BRSK1: variants seen among roughly 807,000 people sequenced by gnomAD.
BRSK1 encodes serine/threonine-protein kinase BRSK1.
In BRSK1, 17 loss-of-function variants were observed where a neutral mutation model predicts 86.2. That is an observed-to-expected ratio of 0.20 (90% CI 0.14 to 0.30). The LOEUF (loss-of-function observed/expected upper bound fraction) is 0.30. BRSK1 is among the 10% of genes least tolerant of loss of function. BRSK1 has a pLI of 1.00. For synonymous variants in BRSK1, 464 were observed against 440.1 expected, an observed-to-expected ratio of 1.05 and a Z score of -0.68; for missense variants, 719 against 1,071.9, an observed-to-expected ratio of 0.67 and a Z score of 4.60.
intron 4 of BRSK1, 54 bp from the exon 5 acceptor site, chr19:55,293,963 G>T: frequency 1.3e-6 from 2 of 1,512,152 alleles, no homozygotes; most frequent in Middle Eastern, 2.4e-4. Flanking sequence ...AGTCAGTGGG[G>T]CCTGGGCCTC....
At position 55,303,476 on chromosome 19, in the gene BRSK1, C is replaced by A. The variant is rs1174002277; in HGVS notation, c.1126+68C>A. On this transcript the variant is annotated intron_variant, in intron 11 of 18. Coordinates refer to ENST00000309383, the MANE Select transcript of BRSK1 (RefSeq NM_032430.2). This position sits in a 1 kb window ranked among gnomAD's most constrained non-coding sequence, Gnocchi z 5.1. ...ATTGGAAGAGGCTGGCCACGGGGACCCCAGATTCCCAAGGAAAGAAGGGGC... is the reference window on the plus strand; with the variant it reads ...ATTGGAAGAGGCTGGCCACGGGGACACCAGATTCCCAAGGAAAGAAGGGGC... 2 of 1,539,660 alleles carry A rather than the reference C, an allele frequency of 1.3e-6. No homozygotes were observed. Among genetic ancestry groups the A allele is most frequent in the Non-Finnish European group, 1.8e-6 (2 of 1,114,698 alleles).
Position 55,307,782 on chromosome 19 carries a change from ACACAC to A in BRSK1, c.2090-856_2090-852del, listed in dbSNP as rs1376266655. On this transcript the variant is annotated intron_variant, in intron 17 of 18. Transcript: ENST00000309383. ...CACACACACACACACACACACACAC[ACACAC>A]AATTTAAAAAAAAAAAAAAAGCCCA... Among the ~76,000 whole-genome samples, 154 of 132,362 alleles carry A rather than the reference ACACAC, an allele frequency of 1.2e-3. 1 individual carries two copies. The highest frequency in any genetic ancestry group is 4.2e-3 in the African/African-American group (142 of 33,928). The allele number at this position is 132,362 out of a possible 152,430, so 86.8% of individuals were successfully genotyped here.
At chr19:55,297,873 G>A (rs2088511573) in intron 7 of BRSK1, among the ~76,000 whole-genome samples, 1 of 152,126 alleles carries the variant, frequency 6.6e-6, no homozygotes, top group African/African-American at 2.4e-5. Flanking sequence ...GGAGTGCAAT[G>A]GTGCGATCTT....
At chr19:55,285,867 A>G (rs1007865701) in intron 1 of BRSK1, among the ~76,000 whole-genome samples, 3 of 152,074 alleles carry the variant, frequency 2.0e-5, no homozygotes, top group East Asian at 1.9e-4. Context: ...TCAAAGTCCC[A>G]GATCCTGAGT....
In BRSK1 at chr19:55,289,474, C is replaced by T. The variant is rs370004483; in HGVS notation, c.318-6C>T. 2.7e-5 allele frequency: 43 copies of T among 1,610,854 alleles called. No individual in the cohort carries two copies. In the African/African-American group the frequency reaches 5.4e-4, roughly 20 times the overall value. ...TCCAGCCCTCTGCCCCCTCTATATC[C>T]TTTAGGTACCTGGTTCTGGAGCACG... is the stretch of plus-strand genomic sequence containing the variant. On this transcript the variant is annotated splice_polypyrimidine_tract_variant and splice_region_variant and intron_variant, in intron 3 of 18. Transcript: ENST00000309383.
At chr19:55,301,048 A>G (rs1348843602) in intron 7 of BRSK1, among the ~76,000 whole-genome samples, 2 of 152,192 alleles carry the variant, frequency 1.3e-5, no homozygotes, top group African/African-American at 2.4e-5. Flanking sequence ...TAAGGACACC[A>G]GTCATTGATT....
At chr19:55,305,228 T>C in intron 14 of BRSK1, 93 bp from the exon 15 acceptor site, 1 of 1,519,256 alleles carries the variant, frequency 6.6e-7, no homozygotes, top group Admixed American at 1.9e-5. Flanking sequence ...CCCAAGGCTC[T>C]GGAACCCTGG....
intron 18 of BRSK1, among the ~76,000 whole-genome samples, chr19:55,309,620 G>A (rs1255362084): frequency 2.0e-5 from 3 of 152,118 alleles, no homozygotes; most frequent in African/African-American, 7.2e-5. Flanking sequence ...CTTTCCTAAG[G>A]ACACTAATCC....
chr19:55,302,560 C>A lies in BRSK1; in HGVS notation c.858-137C>A, dbSNP rs928333822. On this transcript the variant is annotated intron_variant, in intron 9 of 18. Coordinates refer to ENST00000309383, the MANE Select transcript of BRSK1 (RefSeq NM_032430.2). This position sits in a 1 kb window ranked among gnomAD's most constrained non-coding sequence, Gnocchi z 6.3. ...CTGAGATGGGGGGCGAGGTCTGGGGCGTCTGGATTCCTGGGTATGAGAGAG... is the reference window on the plus strand; with the variant it reads ...CTGAGATGGGGGGCGAGGTCTGGGGAGTCTGGATTCCTGGGTATGAGAGAG... 1.2e-5 allele frequency: 14 copies of A among 1,136,110 alleles called. No individual in the cohort carries two copies. The highest frequency in any genetic ancestry group is 1.6e-5 in the Non-Finnish European group (13 of 795,398). The allele number at this position is 1,136,110 out of a possible 1,614,324, so 70.4% of individuals were successfully genotyped here. A position where few individuals can be genotyped will look rare whatever the true frequency, so the allele number is the denominator to read the frequency against.
In BRSK1 at chr19:55,302,662, G is replaced by T; in HGVS notation, c.858-35G>T. ...GAATGAAGAATGCTGAATCTCAGAA[G>T]CCCGGTTCCCAATAATGTTTCTCCA... On this transcript the variant is annotated intron_variant, in intron 9 of 18. Coordinates refer to ENST00000309383, the MANE Select transcript of BRSK1 (RefSeq NM_032430.2). This position sits in a 1 kb window ranked among gnomAD's most constrained non-coding sequence, Gnocchi z 6.3. 6.3e-7 allele frequency: 1 copy of T among 1,584,160 alleles called. No individual in the cohort carries two copies. The highest frequency in any genetic ancestry group is 8.6e-7 in the Non-Finnish European group (1 of 1,161,626).
Position 55,308,212 on chromosome 19 carries a change from G to C in BRSK1, c.2090-427G>C, listed in dbSNP as rs189057217. ...ATTTTTGTATTTTTAGTAAAGACAG[G>C]GTTTCGCCATGTTGGCCAGGCTGGT... is the stretch of plus-strand genomic sequence containing the variant. On this transcript the variant is annotated intron_variant, in intron 17 of 18. Transcript: ENST00000309383. Among the ~76,000 whole-genome samples, 28 of 150,442 alleles carry C rather than the reference G, an allele frequency of 1.9e-4. No individual in the cohort carries two copies. The East Asian group carries it at 4.1e-3, about 22-fold the overall frequency.
chr19:55,289,641 G>T (rs778514561), intron 4 of BRSK1, 21 bp downstream of exon 4: 3 of 1,612,034 alleles, frequency 1.9e-6, no homozygotes. Context: ...AGCTTGAGGG[G>T]GAGGAGGGGC....
chr19:55,304,468 G>C lies in BRSK1; in HGVS notation c.1348-83G>C, dbSNP rs1233501114. 8 of 1,427,038 alleles carry C rather than the reference G, an allele frequency of 5.6e-6. No individual in the cohort carries two copies. In the African/African-American group the frequency reaches 7.2e-5, roughly 13 times the overall value. The allele number at this position is 1,427,038 out of a possible 1,614,324, so 88.4% of individuals were successfully genotyped here. On this transcript the variant is annotated intron_variant, in intron 13 of 18. Transcript: ENST00000309383. This position sits in a 1 kb window ranked among gnomAD's most constrained non-coding sequence, Gnocchi z 5.2. ...TGCAGCATGCACCGGGCCAGCGTCC[G>C]TGAGTGTGCGTGTGAGTGGGGCTCC...
chr19:55,301,351 G>C (rs994760138), intron 7 of BRSK1, among the ~76,000 whole-genome samples, 161 bp from the exon 8 acceptor site: 1 of 152,228 alleles, frequency 6.6e-6, no homozygotes, highest in Non-Finnish European at 1.5e-5. Flanking sequence ...CCAAGTGCCT[G>C]CTGTGCCACG....
intron 3 of BRSK1, 147 bp from the exon 4 acceptor site, chr19:55,289,333 A>G: frequency 1.1e-6 from 1 of 916,012 alleles, no homozygotes; most frequent in Non-Finnish European, 1.6e-6. Context: ...TCTTCCTCCC[A>G]GGGACCCATG....
chr19:55,300,729 C>T (rs10403270), intron 7 of BRSK1, among the ~76,000 whole-genome samples: 29,509 of 152,118 alleles, frequency 0.19, 3,152 homozygotes, highest in Middle Eastern at 0.29. Context: ...ATCCCAGCTA[C>T]TCGGGAGGTT....
chr19:55,301,937 G>A, intron 8 of BRSK1, 200 bp from the exon 9 acceptor site: 1 of 815,700 alleles, frequency 1.2e-6, no homozygotes, highest in South Asian at 1.5e-5. Context: ...AATGCGGCCG[G>A]TCCGGGGTAC....
intron 1 of BRSK1, 70 bp from the exon 2 acceptor site, chr19:55,286,937 G>C (rs2088325962): frequency 1.4e-6 from 2 of 1,456,762 alleles, no homozygotes; most frequent in South Asian, 2.3e-5. Flanking sequence ...GGGTGGCCAA[G>C]GGGGGACATA....
At chr19:55,298,122 AG>A (rs1259565760) in intron 7 of BRSK1, among the ~76,000 whole-genome samples, 2 of 145,484 alleles carry the variant, frequency 1.4e-5, no homozygotes, top group African/African-American at 5.1e-5. Flanking sequence ...GCCCACTGTG[AG>A]GGTTTAAATA....
Sources: allele counts gnomAD v4.1 joint callset (sites outside exome capture counted in the v4.1 genomes callset), GRCh38; gene constraint gnomAD v4.1.1; non-coding constraint Gnocchi (gnomAD v3.1); transcripts MANE v1.5; gene names NCBI Gene and HGNC (gene_info 2026-07-23, HGNC 2026-07-21).